The following CCNY variants were observed in gnomAD, a reference collection of about 807,000 sequenced individuals.
CCNY encodes cyclin-Y.
CCNY carries 19 observed loss-of-function variants against 42.8 expected under a neutral mutation model. The observed-to-expected ratio is 0.44, with a 90% CI of 0.31 to 0.65. CCNY has a LOEUF of 0.65. CCNY is among the 30% of genes least tolerant of loss of function. CCNY has a pLI of 0.07. For synonymous variants in CCNY, 165 were observed against 162.7 expected (o/e 1.01, Z -0.11); for missense variants, 370 against 437.3 (o/e 0.85, Z 1.37).
At chr10:35,362,316 C>A (rs898549681) in intron 1 of CCNY, among the ~76,000 whole-genome samples, 5 of 152,060 alleles carry the variant, frequency 3.3e-5, no homozygotes, top group African/African-American at 1.2e-4. Flanking sequence ...TGACTTTTGG[C>A]CTGGGTGATC....
chr10:35,426,783 C>T (rs535878482), intron 1 of CCNY, among the ~76,000 whole-genome samples: 3 of 152,330 alleles, frequency 2.0e-5, no homozygotes, highest in African/African-American at 7.2e-5. Context: ...CCCACTGTTG[C>T]AGTATTCTGA....
chr10:35,559,807 A>G (rs751817227), intron 8 of CCNY, among the ~76,000 whole-genome samples: 1 of 152,242 alleles, frequency 6.6e-6, no homozygotes, highest in Non-Finnish European at 1.5e-5. Flanking sequence ...CCATGGGCCC[A>G]GCAGGCACAG....
chr10:35,382,482 G>C (rs1284146571), intron 1 of CCNY, among the ~76,000 whole-genome samples: 1 of 152,206 alleles, frequency 6.6e-6, no homozygotes, highest in Non-Finnish European at 1.5e-5. Flanking sequence ...GCATCACTTA[G>C]AACAGTGCTT....
At chr10:35,275,749 C>G (rs927483557) in intron 3 of CCNY, among the ~76,000 whole-genome samples, 6 of 150,514 alleles carry the variant, frequency 4.0e-5, no homozygotes, top group Admixed American at 4.0e-4. Flanking sequence ...GGTGACACAG[C>G]GAGACTCCGT....
intron 1 of CCNY, among the ~76,000 whole-genome samples, chr10:35,437,214 A>G (rs1440426521): frequency 1.3e-5 from 2 of 152,222 alleles, no homozygotes; most frequent in African/African-American, 4.8e-5. Flanking sequence ...GCCAAATCAT[A>G]TCAGTGTCAC....
intron 1 of CCNY, among the ~76,000 whole-genome samples, chr10:35,444,943 T>A (rs1212847391): frequency 6.6e-6 from 1 of 152,064 alleles, no homozygotes; most frequent in Non-Finnish European, 1.5e-5. Context: ...CAAATAGATT[T>A]GGATATATGG....
At chr10:35,474,666 C>G (rs1839466586) in intron 1 of CCNY, among the ~76,000 whole-genome samples, 1 of 151,916 alleles carries the variant, frequency 6.6e-6, no homozygotes, top group Non-Finnish European at 1.5e-5. Context: ...TCATCAAAGA[C>G]CAAAAGTAGA....
At chr10:35,253,414 A>AATTTTTTTTTTTTT (rs775450185) in intron 3 of CCNY, among the ~76,000 whole-genome samples, 1 of 89,036 alleles carries the variant, frequency 1.1e-5, no homozygotes, top group African/African-American at 4.7e-5. Context: ...CATGCTCACT[A>AATTTTTTTTTTTTT]TTTTTTTTTT....
chr10:35,359,856 A>T (rs1257332851), intron 1 of CCNY, among the ~76,000 whole-genome samples: 1 of 152,246 alleles, frequency 6.6e-6, no homozygotes, highest in African/African-American at 2.4e-5. Context: ...GTGGATCCAT[A>T]CAATATTTGC....
At chr10:35,321,762 T>G (rs1297051271) in intron 3 of CCNY, among the ~76,000 whole-genome samples, 2 of 152,130 alleles carry the variant, frequency 1.3e-5, no homozygotes, top group Non-Finnish European at 2.9e-5. Flanking sequence ...TGCAAAAAAT[T>G]TTTGAAAAAG....
chr10:35,565,088 G>A (rs1289278212), intron 8 of CCNY, among the ~76,000 whole-genome samples: 1 of 152,154 alleles, frequency 6.6e-6, no homozygotes, highest in Non-Finnish European at 1.5e-5. Flanking sequence ...TCACTGAGAA[G>A]GTTCCCCCCA....
intron 1 of CCNY, among the ~76,000 whole-genome samples, chr10:35,410,252 G>T (rs1364081256): frequency 6.6e-6 from 1 of 151,890 alleles, no homozygotes; most frequent in African/African-American, 2.4e-5. Flanking sequence ...GTTTCAAACA[G>T]CACCGAGAAA....
intron 3 of CCNY, chr10:35,289,527 T>C (rs1250373616): frequency 6.6e-6 from 1 of 152,212 alleles, no homozygotes; most frequent in Admixed American, 6.5e-5. Context: ...GGTAGATAAC[T>C]TTTATCAGGT....
At chr10:35,290,099 G>A (rs923138983) in intron 3 of CCNY, among the ~76,000 whole-genome samples, 3 of 151,724 alleles carry the variant, frequency 2.0e-5, no homozygotes, top group African/African-American at 4.8e-5. Flanking sequence ...GGTGGCATGC[G>A]TTTGTAATCC....
chr10:35,430,206 G>A lies in CCNY; in HGVS notation c.155-53198G>A, dbSNP rs551740850. ...CAAAAAATTAGCCGGGCGTAGTGGC[G>A]GGCGCCTGTAGTCCCAGCTACTTGG... On this transcript the variant is annotated intron_variant, in intron 1 of 9. Transcript: ENST00000374704. Among the ~76,000 whole-genome samples the A allele has an allele frequency of 6.9e-3, 1,031 of 150,240 alleles. 12 individuals carry two copies. Among genetic ancestry groups the A allele is most frequent in the African/African-American group, 0.024 (982 of 41,078 alleles).
At chr10:35,487,499 A>G (rs1839812147) in intron 2 of CCNY, among the ~76,000 whole-genome samples, 2 of 152,072 alleles carry the variant, frequency 1.3e-5, no homozygotes, top group African/African-American at 4.8e-5. Context: ...GTTGTCGGCC[A>G]TGCATCCCAC....
intron 1 of CCNY, among the ~76,000 whole-genome samples, chr10:35,373,750 A>C (rs1399414121): frequency 6.6e-6 from 1 of 151,258 alleles, no homozygotes; most frequent in Admixed American, 6.6e-5. Flanking sequence ...TGTTGTATGA[A>C]TATAGTATAT....
At chr10:35,504,884 G>A (rs190737395) in intron 3 of CCNY, among the ~76,000 whole-genome samples, 5 of 152,188 alleles carry the variant, frequency 3.3e-5, no homozygotes, top group East Asian at 1.9e-4. Flanking sequence ...TGATCCACCC[G>A]CCTTAGCTTC....
intron 3 of CCNY, among the ~76,000 whole-genome samples, chr10:35,315,717 T>C (rs995945246): frequency 3.3e-5 from 5 of 152,242 alleles, no homozygotes; most frequent in African/African-American, 1.2e-4. Context: ...CCACTAGCAG[T>C]GTATAAGCAT....
Sources: allele counts gnomAD v4.1 joint callset (sites outside exome capture counted in the v4.1 genomes callset), GRCh38; gene constraint gnomAD v4.1.1; transcripts MANE v1.5; gene names NCBI Gene and HGNC (gene_info 2026-07-23, HGNC 2026-07-21).